LCORL: variants seen among roughly 807,000 people sequenced by gnomAD.
LCORL encodes ligand-dependent nuclear receptor corepressor-like protein.
Under a neutral mutation model 141.8 loss-of-function variants are expected in LCORL, and 41 were observed. The ratio of observed to expected loss-of-function variants is 0.29; its 90% CI spans 0.23 to 0.38. The LOEUF is 0.38. LCORL is among the 10% of genes least tolerant of loss of function. The probability of loss-of-function intolerance (pLI) is 1.00; values close to 1 mark genes in which losing one functional copy is unlikely to be tolerated. For synonymous variants in LCORL, 618 were observed against 694.1 expected (o/e 0.89, Z 1.72); for missense variants, 1,759 against 2,035.0 (o/e 0.86, Z 2.61).
Position 17,961,884 on chromosome 4 carries a change from C to G in LCORL, c.430+19G>C. ...CATCTCTATTGCAAATTTTAAATGA[C>G]AAAGCATACCAATATTACCTTTCTT... On this transcript the variant is annotated intron_variant, in intron 4 of 7. Transcript: ENST00000635767. 1 of 1,589,100 alleles carries G rather than the reference C, an allele frequency of 6.3e-7. No homozygotes were observed. Among genetic ancestry groups the G allele is most frequent in the Middle Eastern group, 1.7e-4 (1 of 5,952 alleles).
At chr4:17,880,089 G>A (rs1269345017) in intron 6 of LCORL, among the ~76,000 whole-genome samples, 1 of 150,742 alleles carries the variant, frequency 6.6e-6, no homozygotes, top group Non-Finnish European at 1.5e-5. Context: ...ATTAATAATG[G>A]AATTTCAAAA....
intron 6 of LCORL, chr4:17,882,532 T>C (rs1727711293): frequency 3.0e-6 from 3 of 984,506 alleles, no homozygotes; most frequent in Middle Eastern, 5.2e-4. Flanking sequence ...ACTACCCAAT[T>C]AGTAGAGAGT....
chr4:17,928,451 T>C (rs1222250116), intron 4 of LCORL, among the ~76,000 whole-genome samples: 7 of 152,202 alleles, frequency 4.6e-5, no homozygotes, highest in Non-Finnish European at 1.0e-4. Context: ...TAATTCAGCA[T>C]GTTAACAAAC....
At chr4:17,877,813 A>G (rs1211685109) in exon 7 of LCORL, 15 of 1,230,584 alleles carry the variant, frequency 1.2e-5, no homozygotes, top group Non-Finnish European at 1.4e-5. Context: ...TGAGAATTAT[A>G]ACTGTCTGCA....
intron 7 of LCORL, among the ~76,000 whole-genome samples, chr4:17,854,691 AAAC>A (rs947037109): frequency 4.6e-5 from 7 of 152,142 alleles, no homozygotes; most frequent in Non-Finnish European, 1.0e-4. Context: ...TTTTAAAAAA[AAAC>A]AAAAACAAAA....
intron 5 of LCORL, among the ~76,000 whole-genome samples, chr4:17,908,747 A>T (rs928044282): frequency 6.6e-6 from 1 of 152,200 alleles, no homozygotes; most frequent in African/African-American, 2.4e-5. Flanking sequence ...ATACAAAAAA[A>T]ACGAACAAGC....
At chr4:17,986,123 A>G (rs1254428353) in intron 1 of LCORL, among the ~76,000 whole-genome samples, 1 of 152,174 alleles carries the variant, frequency 6.6e-6, no homozygotes, top group East Asian at 1.9e-4. Flanking sequence ...TTCTGCTGAG[A>G]GGTCTGCTAT....
At chr4:17,948,269 G>A (rs915119427) in intron 4 of LCORL, among the ~76,000 whole-genome samples, 2 of 151,946 alleles carry the variant, frequency 1.3e-5, no homozygotes, top group Non-Finnish European at 2.9e-5. Flanking sequence ...GGTAACTGGA[G>A]GTATGGGTTA....
chr4:18,013,523 T>C (rs896434553), intron 1 of LCORL, among the ~76,000 whole-genome samples: 2 of 152,204 alleles, frequency 1.3e-5, no homozygotes, highest in Admixed American at 6.5e-5. Context: ...CCCAGTTTCA[T>C]AGGTTTCCAT....
rs756358627 is a variant in LCORL, at chr4:17,886,090, A to G, written c.754T>C (p.Ser252Pro). The G allele has an allele frequency of 2.0e-5, 31 of 1,589,138 alleles. No homozygotes were observed. The South Asian group carries it at 3.5e-4, about 18-fold the overall frequency. ...TACCCAGCCACTGAATTTTCAGAAG[A>G]AGGATCACATATGGATGACTCTTCA... Residue 252 changes from serine (S) to proline (P), a missense_variant, in exon 6 of 8, where the codon TCT becomes CCT. Ser to Pro is a moderately conservative substitution (Grantham distance 74). Transcript: ENST00000635767.
intron 1 of LCORL, among the ~76,000 whole-genome samples, chr4:17,998,838 A>G (rs919442145): frequency 2.0e-5 from 3 of 150,904 alleles, no homozygotes; most frequent in African/African-American, 4.9e-5. Context: ...GGTTGTGCAC[A>G]TCGGGAAACT....
rs1053186345 is a variant in LCORL, at chr4:17,884,570, G to C, written c.776+1498C>G. 1.2e-5 allele frequency: 18 copies of C among 1,539,166 alleles called. No individual in the cohort carries two copies. The highest frequency in any genetic ancestry group is 1.6e-5 in the Non-Finnish European group (18 of 1,143,230). On this transcript the variant is annotated intron_variant, in intron 6 of 7. Coordinates refer to ENST00000635767, the Ensembl canonical transcript of LCORL. The surrounding 1 kb of genome is among the most constrained non-coding windows in gnomAD (Gnocchi z 4.4). Reference sequence around the variant, plus strand: ...TCGAGTTTTGTTTTTAAAAGATGCAGGCTTCCCTGCTGGTAAGGCTTCTAA... The same window carrying C: ...TCGAGTTTTGTTTTTAAAAGATGCACGCTTCCCTGCTGGTAAGGCTTCTAA...
chr4:17,944,072 T>C (rs1738434400), intron 4 of LCORL, among the ~76,000 whole-genome samples: 1 of 152,186 alleles, frequency 6.6e-6, no homozygotes, highest in Admixed American at 6.5e-5. Context: ...CTGTCCATAG[T>C]TTTTTGCCTA....
In LCORL at chr4:17,925,715, C is replaced by T. The variant is rs142963477; in HGVS notation, c.431-16370G>A. Among the ~76,000 whole-genome samples the T allele has an allele frequency of 8.9e-3, 1,357 of 151,634 alleles. 18 individuals carry two copies. Among genetic ancestry groups the T allele is most frequent in the Middle Eastern group, 0.031 (9 of 294 alleles). ...TGAAACCCCGTCTCTACTAAAAATA[C>T]AAAAAATTAGCCAGGTGTGGTGGCA... is the stretch of plus-strand genomic sequence containing the variant. On this transcript the variant is annotated intron_variant, in intron 4 of 7. Coordinates refer to ENST00000635767, the Ensembl canonical transcript of LCORL.
chr4:17,918,988 CA>C (rs748556687), intron 4 of LCORL, among the ~76,000 whole-genome samples: 1 of 151,878 alleles, frequency 6.6e-6, no homozygotes, highest in Non-Finnish European at 1.5e-5. Flanking sequence ...AGGGACTAAA[CA>C]AACCTTTAGC....
chr4:17,845,915 T>C lies in LCORL; in HGVS notation c.5603-14A>G. On this transcript the variant is annotated splice_polypyrimidine_tract_variant and intron_variant, in intron 7 of 7. Coordinates refer to ENST00000635767, the Ensembl canonical transcript of LCORL. ...ACTTGTAGCATGCTGGAAGAAAAAG[T>C]GTAAGGCATTTTAGTTTTACTTTAA... The C allele has an allele frequency of 1.9e-6, 3 of 1,581,824 alleles. No individual in the cohort carries two copies. The highest frequency in any genetic ancestry group is 2.6e-6 in the Non-Finnish European group (3 of 1,164,560).
intron 5 of LCORL, among the ~76,000 whole-genome samples, chr4:17,906,540 G>T (rs1287300257): frequency 1.3e-5 from 2 of 151,962 alleles, no homozygotes; most frequent in Non-Finnish European, 2.9e-5. Flanking sequence ...CCAAACTCAG[G>T]ATTTTCACAT....
intron 7 of LCORL, among the ~76,000 whole-genome samples, chr4:17,859,579 A>C (rs1346863957): frequency 6.6e-6 from 1 of 152,230 alleles, no homozygotes; most frequent in Non-Finnish European, 1.5e-5. Flanking sequence ...AATGAGGAGC[A>C]CTAGAAATGA....
intron 5 of LCORL, among the ~76,000 whole-genome samples, chr4:17,895,408 GTATTTGTCCTACTGTGCTGGACT>G (rs1729764862): frequency 6.6e-6 from 1 of 151,962 alleles, no homozygotes; most frequent in African/African-American, 2.4e-5. Flanking sequence ...TACACATATT[GTATTTGTCCTACTGTGCTGGACT>G]TATTTCATTT....
Sources: gnomAD v4.1 joint callset for allele counts (sites outside exome capture counted in the v4.1 genomes callset) on GRCh38, gnomAD v4.1.1 for gene constraint, Gnocchi (gnomAD v3.1) non-coding constraint, MANE v1.5 for transcripts, NCBI Gene and HGNC (gene_info 2026-07-23, HGNC 2026-07-21) for gene names.